DSCAML1: variants seen among roughly 807,000 people sequenced by gnomAD.
DSCAML1 encodes the protein DS cell adhesion molecule like 1, also known as cell adhesion molecule DSCAML1.
In DSCAML1, 38 loss-of-function variants were observed where a neutral mutation model predicts 200.5. The observed-to-expected ratio is 0.19, with a 90% confidence interval of 0.15 to 0.25. The LOEUF is 0.25. Ranked by LOEUF, DSCAML1 falls within the 10% of genes least tolerant of loss-of-function variation. The pLI is 1.00. For synonymous variants in DSCAML1, 1,215 were observed against 1,165.0 expected, an observed-to-expected ratio of 1.04 and a Z score of -0.87; for missense variants, 2,223 against 2,858.8, an observed-to-expected ratio of 0.78 and a Z score of 5.07.
intron 3 of DSCAML1, among the ~76,000 whole-genome samples, chr11:117,670,821 C>A (rs1356673943): frequency 6.6e-6 from 1 of 152,196 alleles, no homozygotes; most frequent in Non-Finnish European, 1.5e-5. Context: ...AAGGCAGGAG[C>A]AAACCTGTCC....
intron 3 of DSCAML1, among the ~76,000 whole-genome samples, chr11:117,549,517 A>T (rs1253241613): frequency 6.6e-6 from 1 of 152,168 alleles, no homozygotes; most frequent in Non-Finnish European, 1.5e-5. Context: ...TCTCTAACTC[A>T]GTTTTCTCAT....
chr11:117,456,254 T>C (rs1053482858), intron 19 of DSCAML1, among the ~76,000 whole-genome samples: 6 of 152,168 alleles, frequency 3.9e-5, no homozygotes, highest in Non-Finnish European at 7.4e-5. Context: ...ATTCAGAGGA[T>C]GGCAGAGCAG....
chr11:117,722,321 A>AT (rs1318413734), intron 3 of DSCAML1, among the ~76,000 whole-genome samples: 2 of 152,020 alleles, frequency 1.3e-5, no homozygotes, highest in East Asian at 3.9e-4. Context: ...AAAAAAAAAA[A>AT]AAGTTGAGCT....
intron 3 of DSCAML1, among the ~76,000 whole-genome samples, chr11:117,577,233 C>T (rs1386094783): frequency 6.6e-6 from 1 of 152,216 alleles, no homozygotes; most frequent in African/African-American, 2.4e-5. Context: ...ACCAGAATCA[C>T]CTGGAACATA....
At chr11:117,808,917 C>T (rs1295657569) in intron 1 of DSCAML1, among the ~76,000 whole-genome samples, 3 of 152,180 alleles carry the variant, frequency 2.0e-5, no homozygotes, top group African/African-American at 4.8e-5. Context: ...ATATCACAAA[C>T]CCCATCTCAC....
intron 3 of DSCAML1, among the ~76,000 whole-genome samples, chr11:117,581,172 C>G (rs1206167430): frequency 6.6e-6 from 1 of 152,164 alleles, no homozygotes; most frequent in East Asian, 1.9e-4. Context: ...CACTTTGAGG[C>G]AGGAAGGGTC....
chr11:117,656,012 C>T (rs547285716), intron 3 of DSCAML1, among the ~76,000 whole-genome samples: 6 of 152,276 alleles, frequency 3.9e-5, no homozygotes, highest in African/African-American at 7.2e-5. Flanking sequence ...GAGGCCGAGG[C>T]GGGCAGATCA....
intron 3 of DSCAML1, among the ~76,000 whole-genome samples, chr11:117,634,313 C>T (rs1014979646): frequency 2.0e-5 from 3 of 152,178 alleles, no homozygotes; most frequent in Non-Finnish European, 4.4e-5. Flanking sequence ...CAGGAAGACT[C>T]GAGTTCTGGC....
At chr11:117,788,113 G>A (rs2055394141) in intron 1 of DSCAML1, among the ~76,000 whole-genome samples, 1 of 152,192 alleles carries the variant, frequency 6.6e-6, no homozygotes, top group African/African-American at 2.4e-5. Flanking sequence ...CAAGGAGAGG[G>A]TTGAGTTTCC....
Position 117,440,920 on chromosome 11 carries a change from C to CAA in DSCAML1, c.3863-986_3863-985dup, listed in dbSNP as rs1170541792. 5.4e-3 allele frequency among the ~76,000 whole-genome samples: 221 copies of CAA among 41,110 alleles called. 11 individuals are homozygous for CAA. The highest frequency in any genetic ancestry group is 0.018 in the African/African-American group (204 of 11,138). 27.0% of individuals were successfully genotyped at this position (41,110 alleles called of 152,430 possible). On this transcript the variant is annotated intron_variant, in intron 21 of 32. Coordinates refer to ENST00000651296, the MANE Select transcript of DSCAML1 (RefSeq NM_020693.4). ...TGGGTGACAGAGCAAGACTCTGTCT[C>CAA]AAAAAAAAAAAAAAAAAAAAAAAAA...
At chr11:117,622,791 C>T (rs940936706) in intron 3 of DSCAML1, among the ~76,000 whole-genome samples, 1 of 152,212 alleles carries the variant, frequency 6.6e-6, no homozygotes, top group Non-Finnish European at 1.5e-5. Flanking sequence ...CCCCCACCCT[C>T]AAGGCACCTG....
chr11:117,675,328 C>T (rs189983817), intron 3 of DSCAML1, among the ~76,000 whole-genome samples: 30 of 152,276 alleles, frequency 2.0e-4, no homozygotes, highest in African/African-American at 1.7e-4. Context: ...GCCAGGATCT[C>T]GCTCTGTTGC....
At position 117,433,181 on chromosome 11, in the gene DSCAML1, C is replaced by A. The variant is rs757216933; in HGVS notation, c.4983G>T (p.Arg1661Ser). The part of the protein sequence containing the change: ...QGPRLHIDIP[R>S]VQLLIEDKEG... The stretch of plus-strand genomic sequence containing the variant: ...CTTTGTCCTCGATGAGCAGCTGGAC[C>A]CTGGGGATGTCAATGTGTAGCCGTG... The change falls in exon 29 of 33, where the codon AGG (arginine) becomes AGT (serine). Residue 1661 changes from arginine (R) to serine (S), a missense_variant. Physicochemically the swap from Arg to Ser is moderately radical, Grantham distance 110. Coordinates refer to ENST00000651296, the MANE Select transcript of DSCAML1 (RefSeq NM_020693.4). 2 of 1,613,980 alleles carry A rather than the reference C, an allele frequency of 1.2e-6. No homozygotes were observed. Among genetic ancestry groups the A allele is most frequent in the East Asian group, 2.2e-5 (1 of 44,882 alleles).
At chr11:117,703,016 GC>G (rs899115436) in intron 3 of DSCAML1, among the ~76,000 whole-genome samples, 2 of 152,192 alleles carry the variant, frequency 1.3e-5, no homozygotes, top group African/African-American at 4.8e-5. Flanking sequence ...GAGCAAACTT[GC>G]AGTTTCTCTG....
rs535915545 is a variant in DSCAML1, at chr11:117,750,999, AC to A, written c.511+25791del. ...AGGTCACAGTCTTCCCAGGCTCCTT[AC>A]CCAGGCCTCGTGCTTTTGGGGGTGG... is the stretch of plus-strand genomic sequence containing the variant. On this transcript the variant is annotated intron_variant, in intron 3 of 32. Transcript: ENST00000651296. Among the ~76,000 whole-genome samples the A allele has an allele frequency of 4.4e-3, 666 of 152,012 alleles. 5 individuals are homozygous for A. The highest frequency in any genetic ancestry group is 6.4e-3 in the Non-Finnish European group (435 of 67,962).
chr11:117,516,408 G>C lies in DSCAML1; in HGVS notation c.1783+59C>G. 6.4e-7 allele frequency: 1 copy of C among 1,562,972 alleles called. No homozygotes were observed. The highest frequency in any genetic ancestry group is 8.7e-7 in the Non-Finnish European group (1 of 1,151,752). On this transcript the variant is annotated intron_variant, in intron 8 of 32. Coordinates refer to ENST00000651296, the MANE Select transcript of DSCAML1 (RefSeq NM_020693.4). The surrounding 1 kb of genome is among the most constrained non-coding windows in gnomAD (Gnocchi z 5.7). ...GTTGTCTGAGTCCCAGCTGGGGAAAGGCCCACGCATCCTGGGTGGTCAGGC... is the reference window on the plus strand; with the variant it reads ...GTTGTCTGAGTCCCAGCTGGGGAAACGCCCACGCATCCTGGGTGGTCAGGC...
chr11:117,442,505 AGTGTGT>A (rs917973835), intron 21 of DSCAML1, among the ~76,000 whole-genome samples: 5 of 151,514 alleles, frequency 3.3e-5, no homozygotes, highest in South Asian at 4.2e-4. Flanking sequence ...ATGAGTGTGC[AGTGTGT>A]GTGTGCGTGT....
chr11:117,754,440 G>A (rs374230210), intron 3 of DSCAML1, among the ~76,000 whole-genome samples: 29 of 152,140 alleles, frequency 1.9e-4, no homozygotes, highest in East Asian at 1.2e-3. Flanking sequence ...TGACTATATC[G>A]TGGGCCAGGA....
intron 16 of DSCAML1, among the ~76,000 whole-genome samples, chr11:117,466,706 C>T (rs1054012198): frequency 2.6e-5 from 4 of 151,986 alleles, no homozygotes; most frequent in African/African-American, 7.3e-5. Context: ...AGAGCTTTCA[C>T]GGGGAGCTCA....
Sources: gnomAD v4.1 joint callset for allele counts (sites outside exome capture counted in the v4.1 genomes callset) on GRCh38, gnomAD v4.1.1 for gene constraint, Gnocchi (gnomAD v3.1) non-coding constraint, MANE v1.5 for transcripts, NCBI Gene and HGNC (gene_info 2026-07-23, HGNC 2026-07-21) for gene names.